Variants in M1AP observed in about 807,000 individuals in gnomAD.
The protein encoded by M1AP is meiosis 1 associated protein.
In M1AP, 39 loss-of-function variants were observed where a neutral mutation model predicts 51.2. The ratio of observed to expected loss-of-function variants is 0.76; its 90% CI spans 0.59 to 1.00. The LOEUF is 1.00. Among genes scored for constraint, M1AP ranks in the 50% least tolerant of loss-of-function variants. The pLI is 0.00. For synonymous variants in M1AP, 251 were observed against 249.2 expected (o/e 1.01, Z -0.07); for missense variants, 545 against 641.2 (o/e 0.85, Z 1.62).
At chr2:74,623,504 A>T (rs985449960) in intron 2 of M1AP, among the ~76,000 whole-genome samples, 2 of 138,104 alleles carry the variant, frequency 1.4e-5, no homozygotes, top group African/African-American at 5.4e-5. Flanking sequence ...CTCTGTCTAT[A>T]AAAAAAAAAA....
At chr2:74,615,214 C>A in intron 2 of M1AP, 65 bp from the exon 3 acceptor site, 1 of 1,379,734 alleles carries the variant, frequency 7.2e-7, no homozygotes, top group Non-Finnish European at 1.0e-6. Context: ...AATTGGCAGT[C>A]TAAATTTATT....
chr2:74,636,148 G>A (rs997305385), intron 2 of M1AP, among the ~76,000 whole-genome samples: 4 of 151,774 alleles, frequency 2.6e-5, no homozygotes, highest in Non-Finnish European at 4.4e-5. Context: ...GTTGTTTGAT[G>A]CATACACATT....
rs770171453 is a variant in M1AP at position 74,562,392 on chromosome 2, T to C, written c.1106A>G (p.Glu369Gly). 1 of 1,614,092 alleles carries C rather than the reference T, an allele frequency of 6.2e-7. No homozygotes were observed. Among genetic ancestry groups the C allele is most frequent in the Non-Finnish European group, 8.5e-7 (1 of 1,180,010 alleles). The change falls in exon 8 of 11, where the codon GAA (glutamate) becomes GGA (glycine). Residue 369 changes from glutamate (E) to glycine (G), a missense_variant. Transcript: ENST00000421985. ...CTGGCTGTGTCCTGGGCCCGGTGGT[T>C]CCCCCTTGGCTAACAGCAGCCATTC... ...KREWLLLAKG[E>G]PPGPGHSQRI...
chr2:74,591,784 A>G (rs1344196105), intron 4 of M1AP, among the ~76,000 whole-genome samples: 1 of 151,964 alleles, frequency 6.6e-6, no homozygotes, highest in Non-Finnish European at 1.5e-5. Context: ...AAGTCCTAAG[A>G]CATACTCTTT....
chr2:74,605,924 T>C (rs1680962090), intron 4 of M1AP, among the ~76,000 whole-genome samples: 1 of 151,938 alleles, frequency 6.6e-6, no homozygotes, highest in Non-Finnish European at 1.5e-5. Flanking sequence ...AAATTGCTAT[T>C]AATGTCACAC....
At chr2:74,637,054 C>T (rs1260349855) in intron 2 of M1AP, among the ~76,000 whole-genome samples, 1 of 152,110 alleles carries the variant, frequency 6.6e-6, no homozygotes, top group Non-Finnish European at 1.5e-5. Flanking sequence ...CTGTTCCTCT[C>T]CTTTGGAGAC....
At chr2:74,567,815 G>A (rs1409520481) in intron 7 of M1AP, among the ~76,000 whole-genome samples, 1 of 152,188 alleles carries the variant, frequency 6.6e-6, no homozygotes, top group African/African-American at 2.4e-5. Flanking sequence ...GGGAGTGGTG[G>A]ACAACACATA....
chr2:74,628,663 TC>T, intron 2 of M1AP: 1 of 702,470 alleles, frequency 1.4e-6, no homozygotes, highest in African/African-American at 1.8e-5. Flanking sequence ...TCAATGTGAC[TC>T]CACCAACATA....
At chr2:74,589,429 C>T (rs1378845919) in intron 4 of M1AP, among the ~76,000 whole-genome samples, 1 of 152,226 alleles carries the variant, frequency 6.6e-6, no homozygotes, top group Non-Finnish European at 1.5e-5. Flanking sequence ...TGCTCAGGAA[C>T]TGTGCAAGAG....
chr2:74,577,504 T>G (rs1250963406), intron 5 of M1AP, among the ~76,000 whole-genome samples: 1 of 152,244 alleles, frequency 6.6e-6, no homozygotes, highest in African/African-American at 2.4e-5. Flanking sequence ...AGGCTGGTAG[T>G]TGATGCTAGT....
rs989060789 is a variant in M1AP at position 74,558,611 on chromosome 2, C to G, written c.*105G>C. On this transcript the variant is annotated 3_prime_UTR_variant, in exon 11 of 11. Coordinates refer to ENST00000421985, the MANE Select transcript of M1AP (RefSeq NM_001321739.2). ...TTGTTTCCCAGTCAGCCCTCACTCA[C>G]AGAGGCTCAGGCGGATAGAGAGCAA... is the stretch of plus-strand genomic sequence containing the variant. The G allele has an allele frequency of 1.5e-6, 2 of 1,375,456 alleles. No individual in the cohort carries two copies. Among genetic ancestry groups the G allele is most frequent in the Non-Finnish European group, 2.0e-6 (2 of 997,990 alleles). 85.2% of individuals were successfully genotyped at this position (1,375,456 alleles called of 1,614,324 possible).
At chr2:74,579,134 T>C (rs1326412948) in intron 5 of M1AP, among the ~76,000 whole-genome samples, 3 of 152,156 alleles carry the variant, frequency 2.0e-5, no homozygotes, top group East Asian at 1.9e-4. Context: ...AAAATGATTA[T>C]AGATGGAGTT....
intron 1 of M1AP, among the ~76,000 whole-genome samples, chr2:74,641,408 G>A (rs932110395): frequency 6.6e-6 from 1 of 152,124 alleles, no homozygotes; most frequent in African/African-American, 2.4e-5. Context: ...ATGCTCAAAC[G>A]TGAAAAGGGT....
intron 5 of M1AP, among the ~76,000 whole-genome samples, chr2:74,577,111 C>T (rs1207789724): frequency 1.3e-5 from 2 of 152,180 alleles, no homozygotes; most frequent in Admixed American, 6.5e-5. Context: ...AGAAGTCAGG[C>T]AGTCAGATGA....
In M1AP at chr2:74,581,768, G is replaced by GGCTTTGAAGAAAATCTCCAT. The variant is rs779974002; in HGVS notation, c.655_674dup (p.Leu227ArgfsTer40). 6 of 1,613,610 alleles carry GGCTTTGAAGAAAATCTCCAT rather than the reference G, an allele frequency of 3.7e-6. No individual in the cohort carries two copies. The South Asian group carries it at 6.6e-5, about 18-fold the overall frequency. ...GGTCTGTTCCACTGTTATGTAGCCA[G>GGCTTTGAAGAAAATCTCCAT]GCTTTGAAGAAAATCTCCATGCTGA... is the stretch of plus-strand genomic sequence containing the variant. On this transcript the variant is annotated frameshift_variant, in exon 5 of 11. Coordinates refer to ENST00000421985, the MANE Select transcript of M1AP (RefSeq NM_001321739.2). LOFTEE classifies it high-confidence loss of function.
chr2:74,591,956 T>G (rs371680297), intron 4 of M1AP, among the ~76,000 whole-genome samples: 23 of 151,870 alleles, frequency 1.5e-4, no homozygotes, highest in South Asian at 6.3e-4. Context: ...TGGCTAACTT[T>G]TTATTTTATT....
At chr2:74,569,572 G>C (rs181311735) in intron 7 of M1AP, among the ~76,000 whole-genome samples, 1 of 151,658 alleles carries the variant, frequency 6.6e-6, no homozygotes, top group Non-Finnish European at 1.5e-5. Flanking sequence ...ATGAGGTTTC[G>C]CCATGTTGGC....
intron 4 of M1AP, among the ~76,000 whole-genome samples, chr2:74,587,313 C>T (rs1159277645): frequency 2.6e-5 from 4 of 152,036 alleles, no homozygotes; most frequent in African/African-American, 9.7e-5. Context: ...ATTCTCCTGC[C>T]TCAGCCTCCC....
Position 74,593,642 on chromosome 2 carries a change from A to G in M1AP, c.596-11795T>C, listed in dbSNP as rs186138187. 4.9e-3 allele frequency among the ~76,000 whole-genome samples: 741 copies of G among 152,312 alleles called. 3 individuals are homozygous for G. Among genetic ancestry groups the G allele is most frequent in the Non-Finnish European group, 8.3e-3 (568 of 68,024 alleles). On this transcript the variant is annotated intron_variant, in intron 4 of 10. Transcript: ENST00000421985. Reference sequence around the variant, plus strand: ...GTGATCTGCCTGCCTCAGCCTTCCAAAGAGCTGGGATTACAGGTGTGAGCC... The same window carrying G: ...GTGATCTGCCTGCCTCAGCCTTCCAGAGAGCTGGGATTACAGGTGTGAGCC...
Sources: allele counts gnomAD v4.1 joint callset (sites outside exome capture counted in the v4.1 genomes callset), GRCh38; gene constraint gnomAD v4.1.1; transcripts MANE v1.5; gene names NCBI Gene and HGNC (gene_info 2026-07-23, HGNC 2026-07-21).